GMDS: variants seen among roughly 807,000 people sequenced by gnomAD.
GMDS encodes the protein GDP-mannose 4,6-dehydratase.
In GMDS, 20 loss-of-function variants were observed where a neutral mutation model predicts 49.9. The ratio of observed to expected loss-of-function variants is 0.40; its 90% CI spans 0.28 to 0.58. The LOEUF (loss-of-function observed/expected upper bound fraction) is 0.58, where lower values mean the gene tolerates loss of function less well. GMDS is among the 20% of genes least tolerant of loss of function. The pLI is 0.42. For missense variants in GMDS, 362 were observed against 481.4 expected (o/e 0.75, Z 2.32); for synonymous variants, 177 against 178.6 (o/e 0.99, Z 0.07).
At chr6:2,225,085 C>T (rs1254905859) in intron 1 of GMDS, among the ~76,000 whole-genome samples, 3 of 151,680 alleles carry the variant, frequency 2.0e-5, no homozygotes, top group East Asian at 1.9e-4. Context: ...TTTGGGAAGC[C>T]GAGGTGGGTG....
intron 4 of GMDS, among the ~76,000 whole-genome samples, chr6:1,993,117 G>A (rs1766058594): frequency 6.6e-6 from 1 of 151,768 alleles, no homozygotes; most frequent in Admixed American, 6.6e-5. Context: ...TCTGTCACCT[G>A]GATGCAGTCC....
At chr6:2,224,631 T>C (rs993252386) in intron 1 of GMDS, among the ~76,000 whole-genome samples, 1 of 152,230 alleles carries the variant, frequency 6.6e-6, no homozygotes, top group Non-Finnish European at 1.5e-5. Context: ...TTTGGTATTA[T>C]GTCTCAGAGA....
At chr6:2,173,442 T>C (rs1778118260) in intron 1 of GMDS, among the ~76,000 whole-genome samples, 1 of 152,208 alleles carries the variant, frequency 6.6e-6, no homozygotes, top group Admixed American at 6.5e-5. Flanking sequence ...TCCATGTTTT[T>C]ACAGGGCATG....
intron 1 of GMDS, among the ~76,000 whole-genome samples, chr6:2,142,272 C>CA: frequency 6.6e-6 from 1 of 152,260 alleles, no homozygotes; most frequent in South Asian, 2.1e-4. Context: ...TTCTGTCCCC[C>CA]TGAAAATGTA....
chr6:2,153,051 T>G (rs750406331), intron 1 of GMDS, among the ~76,000 whole-genome samples: 7 of 151,868 alleles, frequency 4.6e-5, no homozygotes, highest in African/African-American at 1.7e-4. Flanking sequence ...AAAGCAAGAC[T>G]CCTCCTCAAA....
chr6:1,751,476 G>C (rs1767729101), intron 7 of GMDS, among the ~76,000 whole-genome samples: 1 of 152,222 alleles, frequency 6.6e-6, no homozygotes, highest in Non-Finnish European at 1.5e-5. Flanking sequence ...ACCTGCAGCA[G>C]AGGGACCTGT....
chr6:1,881,698 ACTC>A (rs1282010856), intron 7 of GMDS, among the ~76,000 whole-genome samples: 1 of 152,088 alleles, frequency 6.6e-6, no homozygotes, highest in Non-Finnish European at 1.5e-5. Flanking sequence ...TTTCAATGGG[ACTC>A]CTCTAATTCT....
At chr6:1,762,068 T>C (rs1458213884) in intron 7 of GMDS, among the ~76,000 whole-genome samples, 1 of 152,238 alleles carries the variant, frequency 6.6e-6, no homozygotes, top group Non-Finnish European at 1.5e-5. Flanking sequence ...AAGCACAGTC[T>C]GTTTCAACCA....
At chr6:2,208,580 C>T (rs772122828) in intron 1 of GMDS, among the ~76,000 whole-genome samples, 12 of 152,094 alleles carry the variant, frequency 7.9e-5, no homozygotes, top group Non-Finnish European at 1.3e-4. Context: ...TGATGGAGGC[C>T]CACATATGTT....
intron 7 of GMDS, among the ~76,000 whole-genome samples, chr6:1,851,796 T>A (rs575522603): frequency 1.3e-5 from 2 of 152,306 alleles, no homozygotes; most frequent in East Asian, 3.9e-4. Flanking sequence ...TTAATGGCAG[T>A]CTGAGGTGAC....
At chr6:1,643,131 A>G (rs1373842182) in intron 9 of GMDS, among the ~76,000 whole-genome samples, 1 of 152,036 alleles carries the variant, frequency 6.6e-6, no homozygotes, top group Admixed American at 6.6e-5. Flanking sequence ...CATCCTGTGG[A>G]GTTTGTGAAA....
chr6:1,695,243 C>A (rs1182599771), intron 9 of GMDS, among the ~76,000 whole-genome samples: 1 of 152,174 alleles, frequency 6.6e-6, no homozygotes, highest in Non-Finnish European at 1.5e-5. Flanking sequence ...TTAAGATCCT[C>A]ATTTCTGATA....
At chr6:1,916,174 T>G (rs1226853812) in intron 7 of GMDS, among the ~76,000 whole-genome samples, 1 of 152,152 alleles carries the variant, frequency 6.6e-6, no homozygotes, top group Non-Finnish European at 1.5e-5. Context: ...GCTACCCCAT[T>G]CTAGACTGAC....
At chr6:2,126,594 G>A (rs1025725693) in intron 1 of GMDS, among the ~76,000 whole-genome samples, 1 of 152,182 alleles carries the variant, frequency 6.6e-6, no homozygotes, top group East Asian at 1.9e-4. Context: ...AGCATACAAG[G>A]GACACATTCT....
At chr6:2,103,386 A>T (rs1297000201) in intron 4 of GMDS, among the ~76,000 whole-genome samples, 1 of 152,222 alleles carries the variant, frequency 6.6e-6, no homozygotes, top group African/African-American at 2.4e-5. Context: ...GAGACTTGCC[A>T]GATACTGCTT....
intron 1 of GMDS, among the ~76,000 whole-genome samples, chr6:2,177,985 G>A (rs1778358839): frequency 6.6e-6 from 1 of 152,290 alleles, no homozygotes; most frequent in East Asian, 1.9e-4. Context: ...GTCCTTTGCA[G>A]CAACATGGAT....
chr6:2,238,524 C>G (rs1412229538), intron 1 of GMDS, among the ~76,000 whole-genome samples: 2 of 152,184 alleles, frequency 1.3e-5, no homozygotes, highest in African/African-American at 4.8e-5. Context: ...CCTACATACC[C>G]CTAACTGCAT....
At chr6:2,000,385 A>G (rs998130215) in intron 4 of GMDS, among the ~76,000 whole-genome samples, 1 of 151,818 alleles carries the variant, frequency 6.6e-6, no homozygotes, top group Non-Finnish European at 1.5e-5. Flanking sequence ...AGTCCATTTC[A>G]GAGCATTTTA....
intron 4 of GMDS, among the ~76,000 whole-genome samples, chr6:2,004,507 A>G (rs1162363738): frequency 6.6e-6 from 1 of 152,228 alleles, no homozygotes; most frequent in Non-Finnish European, 1.5e-5. Context: ...TCTCCTCTTA[A>G]GTCCTTCCAG....
Sources: allele counts gnomAD v4.1 joint callset (sites outside exome capture counted in the v4.1 genomes callset), GRCh38; gene constraint gnomAD v4.1.1; transcripts MANE v1.5; gene names NCBI Gene and HGNC (gene_info 2026-07-23, HGNC 2026-07-21).